DOCK2: variants seen among roughly 807,000 people sequenced by gnomAD.
DOCK2 encodes dedicator of cytokinesis 2, also known as dedicator of cytokinesis protein 2.
A neutral mutation model predicts 248.9 loss-of-function variants in DOCK2; 87 were observed. The ratio of observed to expected loss-of-function variants is 0.35; its 90% CI spans 0.29 to 0.42. The LOEUF (loss-of-function observed/expected upper bound fraction) is 0.42, where lower values mean the gene tolerates loss of function less well. DOCK2 is among the 10% of genes least tolerant of loss of function. DOCK2 has a pLI of 1.00. For missense variants in DOCK2, 1,747 were observed against 2,300.2 expected, an observed-to-expected ratio of 0.76 and a Z score of 4.92; for synonymous variants, 805 against 821.6, an observed-to-expected ratio of 0.98 and a Z score of 0.35.
chr5:170,078,854 C>T (rs1270772791), intron 48 of DOCK2, 121 bp from the exon 49 acceptor site: 1 of 1,130,720 alleles, frequency 8.8e-7, no homozygotes, highest in Non-Finnish European at 1.3e-6. Flanking sequence ...CTGATCTACT[C>T]CAGACCCTGT....
intron 30 of DOCK2, among the ~76,000 whole-genome samples, chr5:170,004,810 C>A (rs1306006783): frequency 2.0e-5 from 3 of 148,158 alleles, no homozygotes; most frequent in Non-Finnish European, 4.5e-5. Flanking sequence ...AGTAAACTAT[C>A]GCAAGAACAA....
chr5:170,079,731 A>C (rs978706422), intron 49 of DOCK2: 3 of 165,860 alleles, frequency 1.8e-5, no homozygotes, highest in African/African-American at 7.2e-5. Flanking sequence ...TGTTCTGGGA[A>C]CCTGGGAGTG....
At chr5:169,836,279 A>G (rs922699641) in intron 26 of DOCK2, among the ~76,000 whole-genome samples, 3 of 152,246 alleles carry the variant, frequency 2.0e-5, no homozygotes, top group Non-Finnish European at 4.4e-5. Flanking sequence ...AACCTGGTTC[A>G]AAAGTATTCA....
intron 43 of DOCK2, 85 bp downstream of exon 43, chr5:170,056,853 G>A: frequency 2.4e-6 from 3 of 1,234,848 alleles, no homozygotes; most frequent in East Asian, 4.9e-5. Flanking sequence ...GAATGGGAAG[G>A]AACTTGATAG....
At chr5:169,828,964 G>T (rs181227391) in intron 26 of DOCK2, among the ~76,000 whole-genome samples, 1 of 152,318 alleles carries the variant, frequency 6.6e-6, no homozygotes, top group African/African-American at 2.4e-5. Flanking sequence ...CAGTGTAAGA[G>T]GGGGCAGCTC....
At position 170,035,790 on chromosome 5, in the gene DOCK2, C is replaced by A. The variant is rs572207642; in HGVS notation, c.3625-725C>A. On this transcript the variant is annotated intron_variant, in intron 35 of 51. Transcript: ENST00000520908. ...TGTGTGCTCTGGAACATGTCACCAC[C>A]CTTCTCTGACCCTCAGGTGCACGTG... Among the ~76,000 whole-genome samples the A allele has an allele frequency of 2.7e-3, 410 of 152,244 alleles. 5 individuals carry two copies. Among genetic ancestry groups the A allele is most frequent in the East Asian group, 9.7e-4 (5 of 5,172 alleles).
intron 27 of DOCK2, among the ~76,000 whole-genome samples, chr5:169,921,012 C>T (rs1775144894): frequency 6.6e-6 from 1 of 152,186 alleles, no homozygotes; most frequent in Admixed American, 6.5e-5. Flanking sequence ...TCCTAATTAC[C>T]TTTGCAAGAA....
intron 27 of DOCK2, among the ~76,000 whole-genome samples, chr5:169,849,631 C>T (rs1770516359): frequency 6.6e-6 from 1 of 152,138 alleles, no homozygotes; most frequent in Non-Finnish European, 1.5e-5. Context: ...GTAATTAAAC[C>T]ACAAAAACTC....
intron 29 of DOCK2, among the ~76,000 whole-genome samples, chr5:169,993,352 C>A (rs1029162812): frequency 6.6e-6 from 1 of 152,224 alleles, no homozygotes; most frequent in Non-Finnish European, 1.5e-5. Flanking sequence ...TGTCCTCTGT[C>A]TGCCCTGTTG....
chr5:169,775,606 A>T (rs1018926362), intron 25 of DOCK2, among the ~76,000 whole-genome samples: 2 of 151,950 alleles, frequency 1.3e-5, no homozygotes, highest in African/African-American at 4.8e-5. Flanking sequence ...TATTATAAAT[A>T]AATTTTATAA....
chr5:169,753,092 G>C (rs1403325139), intron 23 of DOCK2, among the ~76,000 whole-genome samples: 1 of 152,042 alleles, frequency 6.6e-6, no homozygotes, highest in Non-Finnish European at 1.5e-5. Flanking sequence ...CTATCATTTT[G>C]TTTAGTTTGA....
At chr5:169,655,310 C>T (rs1038558449) in intron 2 of DOCK2, among the ~76,000 whole-genome samples, 5 of 152,158 alleles carry the variant, frequency 3.3e-5, no homozygotes, top group Non-Finnish European at 5.9e-5. Context: ...GCCTGGGCTT[C>T]CTGTGTCTCG....
At chr5:169,889,928 T>C (rs1398007644) in intron 27 of DOCK2, among the ~76,000 whole-genome samples, 4 of 152,248 alleles carry the variant, frequency 2.6e-5, no homozygotes, top group African/African-American at 7.2e-5. Flanking sequence ...TGCTGACACA[T>C]TGCCGTGTCC....
At chr5:169,858,633 A>G (rs1008338771) in intron 27 of DOCK2, among the ~76,000 whole-genome samples, 1 of 152,196 alleles carries the variant, frequency 6.6e-6, no homozygotes, top group African/African-American at 2.4e-5. Context: ...GAACAGTTCT[A>G]AGTCAGAGTG....
At position 169,864,306 on chromosome 5, in the gene DOCK2, C is replaced by G. The variant is rs371857597; in HGVS notation, c.2799+23454C>G. The G allele has an allele frequency of 8.4e-6, 13 of 1,551,620 alleles. No homozygotes were observed. In the African/African-American group the frequency reaches 1.8e-4, roughly 21 times the overall value. On this transcript the variant is annotated intron_variant, in intron 27 of 51. Transcript: ENST00000520908. ...ACCAGAAGCATTTCTTTTTCACCTT[C>G]TTGGTTTTCCGCCTTAAGTCCTGCT...
intron 14 of DOCK2, among the ~76,000 whole-genome samples, chr5:169,707,456 C>T (rs1051850846): frequency 2.0e-5 from 3 of 152,218 alleles, no homozygotes; most frequent in African/African-American, 7.2e-5. Flanking sequence ...CTGTGCCCAA[C>T]AGTAGTGTGT....
Position 169,864,117 on chromosome 5 carries a change from G to A in DOCK2, c.2799+23265G>A. 7.4e-6 allele frequency: 5 copies of A among 671,830 alleles called. No individual in the cohort carries two copies. In the South Asian group the frequency reaches 9.6e-5, roughly 13 times the overall value. The allele number at this position is 671,830 out of a possible 1,614,324, so 41.6% of individuals were successfully genotyped here. On this transcript the variant is annotated intron_variant, in intron 27 of 51. Transcript: ENST00000520908. ...AAGGATCGTGGTCAGGTGTCCAGCA[G>A]CGGCTACATCAGCTCCAAGGCTCTT...
At chr5:169,908,571 G>A (rs550817434) in intron 27 of DOCK2, among the ~76,000 whole-genome samples, 47 of 152,228 alleles carry the variant, frequency 3.1e-4, no homozygotes, top group African/African-American at 9.4e-4. Context: ...GGTCCTGGAC[G>A]TTTTTGTCTA....
At chr5:169,953,326 CTATCTCAAA>C in intron 27 of DOCK2, among the ~76,000 whole-genome samples, 1 of 126,872 alleles carries the variant, frequency 7.9e-6, no homozygotes, top group Middle Eastern at 3.8e-3. Context: ...GAGCAAGACT[CTATCTCAAA>C]AAAAAAAAAA....
Sources: gnomAD v4.1 joint callset for allele counts (sites outside exome capture counted in the v4.1 genomes callset) on GRCh38, gnomAD v4.1.1 for gene constraint, MANE v1.5 for transcripts, NCBI Gene and HGNC (gene_info 2026-07-23, HGNC 2026-07-21) for gene names.